LEKR1: variants seen among roughly 807,000 people sequenced by gnomAD.
The protein encoded by LEKR1 is protein LEKR1.
Under a neutral mutation model 72.4 loss-of-function variants are expected in LEKR1, and 59 were observed. That is an observed-to-expected ratio of 0.82 (90% CI 0.66 to 1.01). LEKR1 has a LOEUF of 1.01. LEKR1 is among the 50% of genes least tolerant of loss of function. The probability of loss-of-function intolerance (pLI) is 0.00; values close to 1 mark genes in which losing one functional copy is unlikely to be tolerated. For synonymous variants in LEKR1, 257 were observed against 263.2 expected, an observed-to-expected ratio of 0.98 and a Z score of 0.23; for missense variants, 728 against 759.2, an observed-to-expected ratio of 0.96 and a Z score of 0.48.
At chr3:156,898,695 C>T (rs1048770456) in intron 3 of LEKR1, among the ~76,000 whole-genome samples, 1 of 152,130 alleles carries the variant, frequency 6.6e-6, no homozygotes, top group Non-Finnish European at 1.5e-5. Context: ...TATTTCCAGT[C>T]TTAGTTTACT....
At chr3:156,831,178 T>C (rs1392105767) in intron 2 of LEKR1, among the ~76,000 whole-genome samples, 1 of 151,976 alleles carries the variant, frequency 6.6e-6, no homozygotes, top group African/African-American at 2.4e-5. Flanking sequence ...AAATGGTCCA[T>C]GTGTGAAGAC....
At chr3:156,842,802 A>G (rs955669875) in intron 2 of LEKR1, among the ~76,000 whole-genome samples, 9 of 152,194 alleles carry the variant, frequency 5.9e-5, no homozygotes, top group Non-Finnish European at 1.2e-4. Flanking sequence ...AAGAAGGAAT[A>G]AGATAATCTT....
chr3:156,904,977 A>G (rs187781352), intron 3 of LEKR1, among the ~76,000 whole-genome samples: 2 of 152,308 alleles, frequency 1.3e-5, no homozygotes, highest in African/African-American at 2.4e-5. Flanking sequence ...AAGACCAAAT[A>G]GAGCTCAAAT....
intron 3 of LEKR1, among the ~76,000 whole-genome samples, chr3:156,886,969 A>G (rs1231928865): frequency 6.6e-6 from 1 of 152,142 alleles, no homozygotes; most frequent in Non-Finnish European, 1.5e-5. Flanking sequence ...GAGTCTCCAC[A>G]TGCTGTTTTG....
Position 156,899,802 on chromosome 3 carries a change from A to G in LEKR1, c.264-20773A>G, listed in dbSNP as rs144093936. ...CATATATACACATATATACATGTAT[A>G]TATACATATGTACGTATATATGTAT... is the stretch of plus-strand genomic sequence containing the variant. On this transcript the variant is annotated intron_variant, in intron 3 of 12. Coordinates refer to ENST00000356539, the MANE Select transcript of LEKR1 (RefSeq NM_001004316.3). Among the ~76,000 whole-genome samples the G allele has an allele frequency of 4.4e-3, 657 of 150,720 alleles. 11 individuals are homozygous for G. The highest frequency in any genetic ancestry group is 7.8e-3 in the Non-Finnish European group (529 of 67,692).
chr3:156,934,600 C>T (rs188607820), intron 5 of LEKR1, among the ~76,000 whole-genome samples: 4 of 152,054 alleles, frequency 2.6e-5, no homozygotes, highest in African/African-American at 7.2e-5. Context: ...AATATAAACA[C>T]TTAATAATTA....
intron 9 of LEKR1, among the ~76,000 whole-genome samples, chr3:157,002,161 C>G (rs1298799136): frequency 6.6e-6 from 1 of 152,098 alleles, no homozygotes; most frequent in Non-Finnish European, 1.5e-5. Context: ...TCTAAAACAT[C>G]AACATCTCTT....
At chr3:156,934,271 T>C (rs1303018403) in intron 5 of LEKR1, among the ~76,000 whole-genome samples, 1 of 152,216 alleles carries the variant, frequency 6.6e-6, no homozygotes, top group African/African-American at 2.4e-5. Context: ...ACTAGTGTTT[T>C]AAGAGAATTG....
At chr3:156,957,005 T>G (rs979855528) in intron 6 of LEKR1, among the ~76,000 whole-genome samples, 3 of 152,058 alleles carry the variant, frequency 2.0e-5, no homozygotes, top group Admixed American at 6.6e-5. Context: ...TTTGGTGACA[T>G]AAGTTATTAC....
intron 2 of LEKR1, among the ~76,000 whole-genome samples, chr3:156,837,668 A>T (rs911723870): frequency 2.6e-5 from 4 of 152,244 alleles, no homozygotes; most frequent in Non-Finnish European, 5.9e-5. Flanking sequence ...GAATATTCAT[A>T]GCACAAAGTG....
intron 6 of LEKR1, among the ~76,000 whole-genome samples, chr3:156,945,467 T>G (rs902196183): frequency 6.6e-6 from 1 of 151,906 alleles, no homozygotes; most frequent in Non-Finnish European, 1.5e-5. Context: ...TGATCCCATT[T>G]GTCCATTTTT....
intron 3 of LEKR1, among the ~76,000 whole-genome samples, chr3:156,913,912 A>G (rs1161495229): frequency 6.6e-6 from 1 of 152,216 alleles, no homozygotes; most frequent in Non-Finnish European, 1.5e-5. Context: ...GATAAAATAA[A>G]TACTCATTTA....
At chr3:156,889,681 T>A (rs1720460885) in intron 3 of LEKR1, among the ~76,000 whole-genome samples, 1 of 152,202 alleles carries the variant, frequency 6.6e-6, no homozygotes, top group Non-Finnish European at 1.5e-5. Context: ...CTGCTTAACT[T>A]TTCTTCATGT....
At chr3:156,873,024 G>A (rs1355958145) in intron 3 of LEKR1, among the ~76,000 whole-genome samples, 2 of 151,880 alleles carry the variant, frequency 1.3e-5, no homozygotes, top group Non-Finnish European at 2.9e-5. Flanking sequence ...GCTGAAAGTA[G>A]GGTGTTGAAG....
intron 3 of LEKR1, among the ~76,000 whole-genome samples, chr3:156,912,296 C>A (rs1487794121): frequency 6.6e-6 from 1 of 152,114 alleles, no homozygotes; most frequent in Non-Finnish European, 1.5e-5. Context: ...CCTCTCCCAG[C>A]CTCCTCCTTC....
At chr3:156,927,026 C>T (rs941122099) in intron 4 of LEKR1, among the ~76,000 whole-genome samples, 6 of 151,856 alleles carry the variant, frequency 4.0e-5, no homozygotes, top group Admixed American at 6.6e-5. Context: ...TTTTCACTAC[C>T]TATATAACCA....
chr3:156,830,069 G>GCAGT (rs1256975032), intron 2 of LEKR1, among the ~76,000 whole-genome samples: 2 of 152,150 alleles, frequency 1.3e-5, no homozygotes, highest in African/African-American at 4.8e-5. Flanking sequence ...GGTGCTATTT[G>GCAGT]CAGTCAAGAG....
chr3:156,968,887 C>G (rs1292654223), intron 6 of LEKR1, among the ~76,000 whole-genome samples: 5 of 152,296 alleles, frequency 3.3e-5, no homozygotes, highest in Non-Finnish European at 5.9e-5. Context: ...TAAAGCACTC[C>G]TCAGCAAATG....
At chr3:156,946,535 C>G (rs1287460197) in intron 6 of LEKR1, among the ~76,000 whole-genome samples, 2 of 151,344 alleles carry the variant, frequency 1.3e-5, no homozygotes, top group African/African-American at 4.8e-5. Flanking sequence ...AGAGGAAAGG[C>G]TTTTAATTTT....
Sources: gnomAD v4.1 joint callset for allele counts (sites outside exome capture counted in the v4.1 genomes callset) on GRCh38, gnomAD v4.1.1 for gene constraint, MANE v1.5 for transcripts, NCBI Gene and HGNC (gene_info 2026-07-23, HGNC 2026-07-21) for gene names.